Variants in MAP10 observed in about 807,000 individuals in gnomAD.
MAP10 encodes microtubule-associated protein 10.
MAP10 carries 10 observed loss-of-function variants against 6.3 expected under a neutral mutation model. The ratio of observed to expected loss-of-function variants is 1.58; its 90% confidence interval spans 0.98 to 2.69. The LOEUF (loss-of-function observed/expected upper bound fraction) is 2.69. MAP10 is among the 30% of genes most tolerant of loss of function. The pLI, the probability that MAP10 is intolerant of heterozygous loss-of-function variation, is 0.00. For synonymous variants in MAP10, 459 were observed against 429.3 expected, an observed-to-expected ratio of 1.07 and a Z score of -0.86; for missense variants, 1,189 against 1,086.5, an observed-to-expected ratio of 1.09 and a Z score of -1.33.
In MAP10 at chr1:232,805,620, G is replaced by A. The variant is rs778846931; in HGVS notation, c.171G>A (p.Val57=). ...CGCCGCGCGGTCTGTGCCCCGCCGT[G>A]GCCTTCCGCCTGCTGGACTTCCCCA... is the stretch of plus-strand genomic sequence containing the variant. The part of the protein sequence containing the change: ...ASSPRGLCPA[V]AFRLLDFPTL... The change falls in exon 1 of 1, where the codon GTG becomes GTA. Residue 57 remains valine, a synonymous_variant. Coordinates refer to ENST00000418460, the MANE Select transcript of MAP10 (RefSeq NM_019090.3). The A allele has an allele frequency of 1.9e-6, 3 of 1,569,314 alleles. No homozygotes were observed. Among genetic ancestry groups the A allele is most frequent in the South Asian group, 2.3e-5 (2 of 86,544 alleles).
In MAP10 at chr1:232,807,645, A is replaced by G; in HGVS notation, c.2196A>G (p.Thr732=). The G allele has an allele frequency of 1.2e-6, 2 of 1,610,936 alleles. No homozygotes were observed. Among genetic ancestry groups the G allele is most frequent in the Non-Finnish European group, 8.5e-7 (1 of 1,178,318 alleles). ...AAGCTCATGATAGCAGTTCAAGGACAGAAAATCCAAAACATAGTCAATATA... is the reference window on the plus strand; with the variant it reads ...AAGCTCATGATAGCAGTTCAAGGACGGAAAATCCAAAACATAGTCAATATA... ...SFKAHDSSSR[T]ENPKHSQYTS... is the part of the protein sequence containing the mutation. Residue 732 remains threonine (T), a synonymous_variant, in exon 1 of 1, where the codon ACA becomes ACG. Transcript: ENST00000418460.
Position 232,807,859 on chromosome 1 carries a change from T to C in MAP10, c.2410T>C (p.Trp804Arg). 1 of 1,613,500 alleles carries C rather than the reference T, an allele frequency of 6.2e-7. No homozygotes were observed. Among genetic ancestry groups the C allele is most frequent in the Non-Finnish European group, 8.5e-7 (1 of 1,179,680 alleles). ...TGCTAGTGATTTATCTTCAACACAT[T>C]GGACTGAACAAAAAGAAAACCAGAT... ...ISASDLSSTH[W>R]TEQKENQIDQ... is the part of the protein sequence containing the mutation. The change falls in exon 1 of 1, where the codon TGG becomes CGG. Residue 804 changes from tryptophan (W) to arginine (R), a missense_variant. By Grantham distance (101) the Trp-to-Arg change is moderately radical. Coordinates refer to ENST00000418460, the MANE Select transcript of MAP10 (RefSeq NM_019090.3).
In MAP10 at chr1:232,805,904, C is replaced by T; in HGVS notation, c.455C>T (p.Ser152Phe). ...AAHRVVGPAA[S>F]GCSHRHRGRF... ...CACAGGGTCGTGGGGCCGGCCGCCT[C>T]CGGATGCTCCCACCGTCACCGGGGA... Residue 152 changes from serine (S) to phenylalanine (F), a missense_variant, in exon 1 of 1, where the codon TCC becomes TTC. Physicochemically the swap from Ser to Phe is radical, Grantham distance 155 (BLOSUM62 -2). Transcript: ENST00000418460. The T allele has an allele frequency of 6.2e-7, 1 of 1,606,546 alleles. No individual in the cohort carries two copies. Among genetic ancestry groups the T allele is most frequent in the Non-Finnish European group, 8.5e-7 (1 of 1,177,010 alleles).
In MAP10 at chr1:232,805,479, C is replaced by G; in HGVS notation, c.30C>G (p.Phe10Leu). The part of the protein sequence containing the change: MAASLSERL[F>L]SLELLVDWVR... ...CGGCCTCGCTGTCCGAGCGGCTCTT[C>G]TCGCTGGAGCTGCTGGTGGACTGGG... Residue 10 changes from phenylalanine (F) to leucine (L), a missense_variant, in exon 1 of 1, where the codon TTC (phenylalanine) becomes TTG (leucine). Coordinates refer to ENST00000418460, the MANE Select transcript of MAP10 (RefSeq NM_019090.3). 6.3e-7 allele frequency: 1 copy of G among 1,590,724 alleles called. No individual in the cohort carries two copies. Among genetic ancestry groups the G allele is most frequent in the Non-Finnish European group, 8.6e-7 (1 of 1,168,032 alleles).
rs770920549 is a variant in MAP10, at chr1:232,806,779, C to T, written c.1330C>T (p.Arg444Trp). The T allele has an allele frequency of 1.9e-6, 3 of 1,613,626 alleles. No individual in the cohort carries two copies. Among genetic ancestry groups the T allele is most frequent in the Non-Finnish European group, 1.7e-6 (2 of 1,179,792 alleles). The change falls in exon 1 of 1, where the codon CGG (arginine) becomes TGG (tryptophan). Residue 444 changes from arginine (R) to tryptophan (W), a missense_variant. Coordinates refer to ENST00000418460, the MANE Select transcript of MAP10 (RefSeq NM_019090.3). The part of the protein sequence containing the change: ...SPESSAKSTC[R>W]SEAKKDKRSV... ...CGAATCTTCTGCCAAATCCACATGC[C>T]GGTCTGAAGCCAAGAAGGATAAGCG...
chr1:232,806,084 A>T lies in MAP10; in HGVS notation c.635A>T (p.Gln212Leu), dbSNP rs1666096745. Residue 212 changes from glutamine (Q) to leucine (L), a missense_variant, in exon 1 of 1, where the codon CAG (glutamine) becomes CTG (leucine). Transcript: ENST00000418460. ...GGGAEVSPQT[Q>L]QERQQLQQPA... ...GGAGCGGAGGTCAGTCCCCAAACCC[A>T]GCAGGAAAGACAGCAGCTGCAGCAG... The T allele has an allele frequency of 3.1e-6, 5 of 1,613,984 alleles. No homozygotes were observed. Among genetic ancestry groups the T allele is most frequent in the Non-Finnish European group, 4.2e-6 (5 of 1,179,874 alleles).
Position 232,806,423 on chromosome 1 carries a change from C to T in MAP10, c.974C>T (p.Pro325Leu), listed in dbSNP as rs1389079006. 3.7e-6 allele frequency: 6 copies of T among 1,613,712 alleles called. No individual in the cohort carries two copies. The Admixed American group carries it at 1.0e-4, about 27-fold the overall frequency. Residue 325 changes from proline to leucine, a missense_variant, in exon 1 of 1, where the codon CCT (proline) becomes CTT (leucine). By Grantham distance (98) the Pro-to-Leu change is moderately conservative. Coordinates refer to ENST00000418460, the MANE Select transcript of MAP10 (RefSeq NM_019090.3). Reference protein sequence around the residue: ...PPAQAKITIEPQMNAPEEMDD... With the variant: ...PPAQAKITIELQMNAPEEMDD... ...GCACAGGCTAAAATCACCATTGAGC[C>T]TCAAATGAATGCACCTGAGGAAATG...
At position 232,806,766 on chromosome 1, in the gene MAP10, C is replaced by T; in HGVS notation, c.1317C>T (p.Ala439=). 6.2e-7 allele frequency: 1 copy of T among 1,613,766 alleles called. No individual in the cohort carries two copies. The highest frequency in any genetic ancestry group is 8.5e-7 in the Non-Finnish European group (1 of 1,179,830). Residue 439 remains alanine, a synonymous_variant, in exon 1 of 1, where the codon GCC becomes GCT. Coordinates refer to ENST00000418460, the MANE Select transcript of MAP10 (RefSeq NM_019090.3). ...ATAAGAAGTCACCCGAATCTTCTGC[C>T]AAATCCACATGCCGGTCTGAAGCCA... The part of the protein sequence containing the change: ...TEDKKSPESS[A]KSTCRSEAKK...
At position 232,807,784 on chromosome 1, in the gene MAP10, C is replaced by A. The variant is rs746451442; in HGVS notation, c.2335C>A (p.His779Asn). 1 of 1,613,146 alleles carries A rather than the reference C, an allele frequency of 6.2e-7. No homozygotes were observed. Among genetic ancestry groups the A allele is most frequent in the Non-Finnish European group, 8.5e-7 (1 of 1,179,666 alleles). The change falls in exon 1 of 1, where the codon CAT becomes AAT. Residue 779 changes from histidine (H) to asparagine (N), a missense_variant. Coordinates refer to ENST00000418460, the MANE Select transcript of MAP10 (RefSeq NM_019090.3). ...GSPVHSYRKF[H>N]ISKTQDKSLE... ...ACCTGTACACTCATACAGAAAATTTCATATTTCAAAGACTCAGGATAAAAG... is the reference window on the plus strand; with the variant it reads ...ACCTGTACACTCATACAGAAAATTTAATATTTCAAAGACTCAGGATAAAAG...
chr1:232,808,793 T>C lies in MAP10; in HGVS notation c.*626T>C, dbSNP rs965108594. ...GCTTCAGTTGTGTGATGGGATCATATTTGTTTTACACATCAGTGCATTTTT... is the reference window on the plus strand; with the variant it reads ...GCTTCAGTTGTGTGATGGGATCATACTTGTTTTACACATCAGTGCATTTTT... On this transcript the variant is annotated 3_prime_UTR_variant, in exon 1 of 1. Transcript: ENST00000418460. Among the ~76,000 whole-genome samples, 7 of 152,158 alleles carry C rather than the reference T, an allele frequency of 4.6e-5. No homozygotes were observed. Among genetic ancestry groups the C allele is most frequent in the Non-Finnish European group, 8.8e-5 (6 of 67,984 alleles).
In MAP10 at chr1:232,807,925, G is replaced by C. The variant is rs745985214; in HGVS notation, c.2476G>C (p.Ala826Pro). The change falls in exon 1 of 1, where the codon GCT becomes CCT. Residue 826 changes from alanine to proline, a missense_variant. Coordinates refer to ENST00000418460, the MANE Select transcript of MAP10 (RefSeq NM_019090.3). ...SMHNSEITKR[A>P]QDISVKTRSS... ...GCACAATTCTGAAATTACAAAGAGAGCTCAAGACATCTCTGTTAAAACAAG... is the reference window on the plus strand; with the variant it reads ...GCACAATTCTGAAATTACAAAGAGACCTCAAGACATCTCTGTTAAAACAAG... The C allele has an allele frequency of 1.6e-5, 26 of 1,613,102 alleles. No individual in the cohort carries two copies. Among genetic ancestry groups the C allele is most frequent in the Non-Finnish European group, 2.2e-5 (26 of 1,179,656 alleles).
Position 232,806,792 on chromosome 1 carries a change from A to G in MAP10, c.1343A>G (p.Lys448Arg), listed in dbSNP as rs368276824. 16 of 1,613,606 alleles carry G rather than the reference A, an allele frequency of 9.9e-6. No homozygotes were observed. Among genetic ancestry groups the G allele is most frequent in the Non-Finnish European group, 1.4e-5 (16 of 1,179,842 alleles). ...AAATCCACATGCCGGTCTGAAGCCA[A>G]GAAGGATAAGCGTTCTGTGGGGGGA... ...SAKSTCRSEA[K>R]KDKRSVGGCE... The change falls in exon 1 of 1, where the codon AAG becomes AGG. Residue 448 changes from lysine (K) to arginine (R), a missense_variant. Coordinates refer to ENST00000418460, the MANE Select transcript of MAP10 (RefSeq NM_019090.3).
rs773804860 is a variant in MAP10, at chr1:232,805,599, G to A, written c.150G>A (p.Pro50=). ...EEKEQGEASS[P]RGLCPAVAFR... Reference sequence around the variant, plus strand: ...AGGAGCAGGGGGAGGCCTCGTCGCCGCGCGGTCTGTGCCCCGCCGTGGCCT... The same window carrying A: ...AGGAGCAGGGGGAGGCCTCGTCGCCACGCGGTCTGTGCCCCGCCGTGGCCT... Residue 50 remains proline (P), a synonymous_variant, in exon 1 of 1, where the codon CCG becomes CCA. Transcript: ENST00000418460. 15 of 1,558,274 alleles carry A rather than the reference G, an allele frequency of 9.6e-6. No homozygotes were observed. The African/African-American group carries it at 2.0e-4, about 21-fold the overall frequency.
In MAP10 at chr1:232,806,227, G is replaced by T. The variant is rs1558361201; in HGVS notation, c.778G>T (p.Gly260Cys). 1 of 1,613,988 alleles carries T rather than the reference G, an allele frequency of 6.2e-7. No individual in the cohort carries two copies. Among genetic ancestry groups the T allele is most frequent in the Non-Finnish European group, 8.5e-7 (1 of 1,179,896 alleles). Residue 260 changes from glycine (G) to cysteine (C), a missense_variant, in exon 1 of 1, where the codon GGT becomes TGT. Transcript: ENST00000418460. ...AAGTAAGGCCGAATGTGATAATGTG[G>T]GTTCTGTGGAGAATGGCAAAACCAA... ...VKSKAECDNV[G>C]SVENGKTNSV...
Position 232,808,173 on chromosome 1 carries a change from C to G in MAP10, c.*6C>G. 6.6e-7 allele frequency: 1 copy of G among 1,524,056 alleles called. No individual in the cohort carries two copies. The highest frequency in any genetic ancestry group is 8.8e-7 in the Non-Finnish European group (1 of 1,132,858). 94.4% of individuals were successfully genotyped at this position (1,524,056 alleles called of 1,614,324 possible). ...TTCCAGGATACACAATGTAAAAATA[C>G]ATGCTTTTAAAAAACTTTCAAGGAC... On this transcript the variant is annotated 3_prime_UTR_variant, in exon 1 of 1. Coordinates refer to ENST00000418460, the MANE Select transcript of MAP10 (RefSeq NM_019090.3).
At position 232,805,529 on chromosome 1, in the gene MAP10, C is replaced by T; in HGVS notation, c.80C>T (p.Pro27Leu). The change falls in exon 1 of 1, where the codon CCG (proline) becomes CTG (leucine). Residue 27 changes from proline (P) to leucine (L), a missense_variant. Pro to Leu is a moderately conservative substitution (Grantham distance 98). Coordinates refer to ENST00000418460, the MANE Select transcript of MAP10 (RefSeq NM_019090.3). Reference sequence around the variant, plus strand: ...GTGCGTTTGGAAGCCCGGCTGCTGCCGTCCCCCGCTGCCGCAGTGGAGCAG... The same window carrying T: ...GTGCGTTTGGAAGCCCGGCTGCTGCTGTCCCCCGCTGCCGCAGTGGAGCAG... Reference protein sequence around the residue: ...DWVRLEARLLPSPAAAVEQEE... With the variant: ...DWVRLEARLLLSPAAAVEQEE... 1 of 1,564,160 alleles carries T rather than the reference C, an allele frequency of 6.4e-7. No individual in the cohort carries two copies. The highest frequency in any genetic ancestry group is 8.7e-7 in the Non-Finnish European group (1 of 1,154,236).
chr1:232,808,086 T>C lies in MAP10; in HGVS notation c.2637T>C (p.Asp879=), dbSNP rs765138999. ...ATCACTTTGAAGAAGGCAATGATGA[T>C]GTTGGTTCACTAAATATTTCCAAGC... ...TSDHFEEGND[D]VGSLNISKQC... Residue 879 remains aspartate (D), a synonymous_variant, in exon 1 of 1, where the codon GAT becomes GAC. Transcript: ENST00000418460. The C allele has an allele frequency of 8.1e-6, 13 of 1,602,566 alleles. No homozygotes were observed. Among genetic ancestry groups the C allele is most frequent in the Admixed American group, 1.7e-5 (1 of 59,784 alleles).
Position 232,805,913 on chromosome 1 carries a change from C to T in MAP10, c.464C>T (p.Ser155Phe). Residue 155 changes from serine to phenylalanine, a missense_variant, in exon 1 of 1, where the codon TCC becomes TTC. Physicochemically the swap from Ser to Phe is radical, Grantham distance 155. Coordinates refer to ENST00000418460, the MANE Select transcript of MAP10 (RefSeq NM_019090.3). ...RVVGPAASGC[S>F]HRHRGRFPLH... ...GTGGGGCCGGCCGCCTCCGGATGCT[C>T]CCACCGTCACCGGGGACGTTTCCCC... 1 of 1,608,534 alleles carries T rather than the reference C, an allele frequency of 6.2e-7. No individual in the cohort carries two copies. Among genetic ancestry groups the T allele is most frequent in the South Asian group, 1.1e-5 (1 of 90,450 alleles).
Position 232,805,934 on chromosome 1 carries a change from T to C in MAP10, c.485T>C (p.Phe162Ser). Residue 162 changes from phenylalanine (F) to serine (S), a missense_variant, in exon 1 of 1, where the codon TTC (phenylalanine) becomes TCC (serine). Coordinates refer to ENST00000418460, the MANE Select transcript of MAP10 (RefSeq NM_019090.3). ...TGCTCCCACCGTCACCGGGGACGTT[T>C]CCCCCTGCATAATCGAGTGGGCGAG... ...SGCSHRHRGR[F>S]PLHNRVGERT... is the part of the protein sequence containing the mutation. 1 of 1,611,980 alleles carries C rather than the reference T, an allele frequency of 6.2e-7. No homozygotes were observed. The highest frequency in any genetic ancestry group is 8.5e-7 in the Non-Finnish European group (1 of 1,179,396).
Sources: allele counts gnomAD v4.1 joint callset (sites outside exome capture counted in the v4.1 genomes callset), GRCh38; gene constraint gnomAD v4.1.1; transcripts MANE v1.5; gene names NCBI Gene and HGNC (gene_info 2026-07-23, HGNC 2026-07-21).